Variants in OXR1 observed in about 807,000 individuals in gnomAD.
The protein encoded by OXR1 is oxidation resistance 1, also known as oxidation resistance protein 1.
In OXR1, 41 loss-of-function variants were observed where a neutral mutation model predicts 104.6. The observed-to-expected ratio is 0.39, with a 90% CI of 0.31 to 0.51. The LOEUF (loss-of-function observed/expected upper bound fraction) is 0.51, where lower values mean the gene tolerates loss of function less well. OXR1 is among the 20% of genes least tolerant of loss of function. The pLI, the probability that OXR1 is intolerant of heterozygous loss-of-function variation, is 0.77. For missense variants in OXR1, 955 were observed against 1,031.9 expected (o/e 0.93, Z 1.02); for synonymous variants, 348 against 348.4 (o/e 1.00, Z 0.01).
At chr8:106,374,830 A>G (rs1290892778) in intron 2 of OXR1, among the ~76,000 whole-genome samples, 1 of 152,172 alleles carries the variant, frequency 6.6e-6, no homozygotes, top group Non-Finnish European at 1.5e-5. Context: ...AGGTTCTAAG[A>G]TGTCCACCAT....
At chr8:106,302,686 AG>A (rs1448018324) in intron 1 of OXR1, among the ~76,000 whole-genome samples, 1 of 152,174 alleles carries the variant, frequency 6.6e-6, no homozygotes, top group Non-Finnish European at 1.5e-5. Context: ...AGAGAAAAAA[AG>A]TTATAAATTG....
chr8:106,640,348 A>T (rs1177939587), intron 3 of OXR1, among the ~76,000 whole-genome samples: 1 of 151,202 alleles, frequency 6.6e-6, no homozygotes, highest in African/African-American at 2.4e-5. Context: ...ATTTGTATAT[A>T]GATGTATATA....
At chr8:106,750,714 A>G in intron 16 of OXR1, 92 bp from the exon 17 acceptor site, 1 of 863,672 alleles carries the variant, frequency 1.2e-6, no homozygotes, top group South Asian at 2.0e-5. Flanking sequence ...GAAAATTAAT[A>G]ACTTTAGGGT....
chr8:106,707,946 T>G (rs1163856461), intron 9 of OXR1, among the ~76,000 whole-genome samples: 1 of 152,192 alleles, frequency 6.6e-6, no homozygotes, highest in Non-Finnish European at 1.5e-5. Context: ...CTTTTTAAAA[T>G]TATGGTAAAA....
At chr8:106,490,203 C>T (rs16874737) in intron 2 of OXR1, among the ~76,000 whole-genome samples, 16,979 of 152,180 alleles carry the variant, frequency 0.11, 1,213 homozygotes, top group East Asian at 0.28. Context: ...TTCAACAATA[C>T]GTTACCTGCT....
chr8:106,611,211 G>A (rs892869329), intron 3 of OXR1, among the ~76,000 whole-genome samples: 5 of 152,236 alleles, frequency 3.3e-5, no homozygotes, highest in Non-Finnish European at 7.3e-5. Context: ...GCTGGCCAAT[G>A]TCTGGGGAAG....
At chr8:106,571,403 C>G (rs527975841) in intron 3 of OXR1, among the ~76,000 whole-genome samples, 1 of 152,036 alleles carries the variant, frequency 6.6e-6, no homozygotes, top group Non-Finnish European at 1.5e-5. Flanking sequence ...TGGTGCCCAT[C>G]ATGAAGGCCT....
At chr8:106,468,105 T>G (rs1308554795) in intron 2 of OXR1, among the ~76,000 whole-genome samples, 1 of 151,808 alleles carries the variant, frequency 6.6e-6, no homozygotes, top group Non-Finnish European at 1.5e-5. Flanking sequence ...GTGTATTTAT[T>G]CATTCTTTAT....
At chr8:106,329,306 T>C (rs1243386353) in intron 1 of OXR1, among the ~76,000 whole-genome samples, 1 of 150,802 alleles carries the variant, frequency 6.6e-6, no homozygotes, top group Non-Finnish European at 1.5e-5. Context: ...CATTTTGAAA[T>C]ACAAGGTTAA....
In OXR1 at chr8:106,706,559, T is replaced by C. The variant is rs560906660; in HGVS notation, c.1038T>C (p.Pro346=). ...EDVFTESELS[P]IREELVSSDE... is the part of the protein sequence containing the mutation. Reference sequence around the variant, plus strand: ...TGTTCACAGAATCAGAACTTTCCCCTATACGAGAGGAGCTTGTATCTTCAG... The same window carrying C: ...TGTTCACAGAATCAGAACTTTCCCCCATACGAGAGGAGCTTGTATCTTCAG... The change falls in exon 9 of 17, where the codon CCT becomes CCC. Residue 346 remains proline (P), a synonymous_variant. Transcript: ENST00000517566. 6.2e-7 allele frequency: 1 copy of C among 1,611,042 alleles called. No individual in the cohort carries two copies. Among genetic ancestry groups the C allele is most frequent in the East Asian group, 2.2e-5 (1 of 44,840 alleles).
chr8:106,552,567 G>C (rs1815922122), intron 3 of OXR1, among the ~76,000 whole-genome samples: 1 of 152,070 alleles, frequency 6.6e-6, no homozygotes, highest in African/African-American at 2.4e-5. Flanking sequence ...CCTCCTGATA[G>C]AGATTATTTT....
At chr8:106,717,871 G>C (rs1832422831) in intron 11 of OXR1, among the ~76,000 whole-genome samples, 1 of 152,078 alleles carries the variant, frequency 6.6e-6, no homozygotes, top group African/African-American at 2.4e-5. Context: ...ATAGTCCACA[G>C]TCTGTCATTT....
At chr8:106,590,294 T>C (rs1818976592) in intron 3 of OXR1, among the ~76,000 whole-genome samples, 1 of 152,324 alleles carries the variant, frequency 6.6e-6, no homozygotes, top group African/African-American at 2.4e-5. Context: ...GTTGTTGTTG[T>C]TGTTGTTGTT....
At chr8:106,537,406 CG>C (rs1167292713) in intron 3 of OXR1, among the ~76,000 whole-genome samples, 1 of 151,940 alleles carries the variant, frequency 6.6e-6, no homozygotes, top group Non-Finnish European at 1.5e-5. Context: ...TGCAAAATGC[CG>C]TAAGAGTTTA....
chr8:106,521,536 G>A (rs986577167), intron 3 of OXR1, among the ~76,000 whole-genome samples: 8 of 152,092 alleles, frequency 5.3e-5, no homozygotes, highest in Non-Finnish European at 1.0e-4. Flanking sequence ...TGTTTGAGAC[G>A]GAGTCTTGCT....
chr8:106,519,104 C>T lies in OXR1; in HGVS notation c.185C>T (p.Ser62Phe). Residue 62 changes from serine to phenylalanine, a missense_variant, in exon 3 of 17, where the codon TCC (serine) becomes TTC (phenylalanine). By Grantham distance (155) the Ser-to-Phe change is radical. Coordinates refer to ENST00000517566, the MANE Select transcript of OXR1 (RefSeq NM_001198533.2). ...GCAGCAAATACTCAGAAACATCCTT[C>T]CAGAAGGAGCGAACTGAAGAGGTTC... Reference protein sequence around the residue: ...NNAANTQKHPSRRSELKRFYT... With the variant: ...NNAANTQKHPFRRSELKRFYT... The T allele has an allele frequency of 1.3e-6, 2 of 1,551,848 alleles. No individual in the cohort carries two copies. Among genetic ancestry groups the T allele is most frequent in the Non-Finnish European group, 8.7e-7 (1 of 1,146,938 alleles).
intron 11 of OXR1, among the ~76,000 whole-genome samples, chr8:106,719,326 AC>A (rs368746797): frequency 3.1e-4 from 47 of 152,358 alleles, no homozygotes; most frequent in African/African-American, 1.1e-3. Flanking sequence ...TGATGATCGC[AC>A]TTTTGTTCAA....
intron 3 of OXR1, among the ~76,000 whole-genome samples, chr8:106,610,659 G>A (rs775387859): frequency 5.9e-5 from 9 of 152,114 alleles, no homozygotes; most frequent in Non-Finnish European, 1.2e-4. Context: ...TCTCTGACTT[G>A]AGCACTTTCC....
rs763365311 is a variant in OXR1 at position 106,739,574 on chromosome 8, A to T, written c.2154A>T (p.Gln718His). 2 of 1,613,242 alleles carry T rather than the reference A, an allele frequency of 1.2e-6. No individual in the cohort carries two copies. Among genetic ancestry groups the T allele is most frequent in the Non-Finnish European group, 1.7e-6 (2 of 1,179,606 alleles). ...CCAGTGAACTTTTACTGCCAGATCA[A>T]ATTGAAAAGGTATGACATGCTCACA... ...SDPSELLLPDQIEKLTKHLPP... is the reference protein window; with the variant it reads ...SDPSELLLPDHIEKLTKHLPP... Residue 718 changes from glutamine to histidine, a missense_variant, in exon 13 of 17, where the codon CAA becomes CAT. Around this residue, in one of 2 missense-constraint regions of OXR1, gnomAD observed 849 missense variants for 852.9 expected, o/e 1.00. Transcript: ENST00000517566.
Sources: gnomAD v4.1 joint callset for allele counts (sites outside exome capture counted in the v4.1 genomes callset) on GRCh38, gnomAD v4.1.1 for gene constraint, gnomAD v4.1.1 regional missense constraint, MANE v1.5 for transcripts, NCBI Gene and HGNC (gene_info 2026-07-23, HGNC 2026-07-21) for gene names.